Variants in NELL1 observed in about 807,000 individuals in gnomAD.
NELL1 encodes the protein neural EGFL like 1.
NELL1 carries 76 observed loss-of-function variants against 107.4 expected under a neutral mutation model. That is an observed-to-expected ratio of 0.71 (90% CI 0.59 to 0.86). The LOEUF (loss-of-function observed/expected upper bound fraction) is 0.86, where lower values mean the gene tolerates loss of function less well. NELL1 is among the 40% of genes least tolerant of loss of function. The pLI is 0.00. For synonymous variants in NELL1, 353 were observed against 341.2 expected (o/e 1.03, Z -0.38); for missense variants, 1,024 against 1,005.5 (o/e 1.02, Z -0.25).
intron 15 of NELL1, among the ~76,000 whole-genome samples, chr11:21,499,842 G>T (rs893781677): frequency 1.3e-5 from 2 of 152,186 alleles, no homozygotes; most frequent in African/African-American, 4.8e-5. Context: ...TTAGCCCAGG[G>T]CTGTCTAACA....
At chr11:21,003,958 A>G (rs1852277370) in intron 12 of NELL1, among the ~76,000 whole-genome samples, 1 of 152,134 alleles carries the variant, frequency 6.6e-6, no homozygotes, top group South Asian at 2.1e-4. Context: ...TGAATGTGAG[A>G]AAAATAGAGG....
At chr11:21,398,113 T>A (rs867512189) in intron 15 of NELL1, among the ~76,000 whole-genome samples, 4 of 151,698 alleles carry the variant, frequency 2.6e-5, no homozygotes, top group Non-Finnish European at 5.9e-5. Context: ...TTTTTTAACT[T>A]TGTTAATGAA....
chr11:20,991,251 T>C (rs2134258166), intron 12 of NELL1, among the ~76,000 whole-genome samples: 1 of 152,298 alleles, frequency 6.6e-6, no homozygotes, highest in African/African-American at 2.4e-5. Flanking sequence ...AGATTTTTGT[T>C]GTAATGCATT....
At chr11:21,404,854 G>A (rs899771492) in intron 15 of NELL1, among the ~76,000 whole-genome samples, 1 of 152,000 alleles carries the variant, frequency 6.6e-6, no homozygotes, top group African/African-American at 2.4e-5. Context: ...GCTTTCCTCA[G>A]TGGTCCCAAG....
At chr11:21,304,704 AT>A (rs1354395604) in intron 14 of NELL1, among the ~76,000 whole-genome samples, 1 of 151,384 alleles carries the variant, frequency 6.6e-6, no homozygotes, top group Admixed American at 6.6e-5. Flanking sequence ...GCCCTGTTGT[AT>A]TTTTTTAAAG....
chr11:20,922,271 C>T (rs1199314729), intron 7 of NELL1, among the ~76,000 whole-genome samples: 2 of 152,114 alleles, frequency 1.3e-5, no homozygotes, highest in Non-Finnish European at 2.9e-5. Context: ...CTTTGGTGCT[C>T]ACTTATTTCC....
At chr11:21,124,792 G>A (rs1590659469) in intron 13 of NELL1, among the ~76,000 whole-genome samples, 1 of 151,952 alleles carries the variant, frequency 6.6e-6, no homozygotes, top group Non-Finnish European at 1.5e-5. Context: ...GTACAGACAG[G>A]GTTTCTCCAT....
At chr11:21,205,911 A>G (rs762640866) in intron 13 of NELL1, among the ~76,000 whole-genome samples, 21 of 152,014 alleles carry the variant, frequency 1.4e-4, no homozygotes, top group Non-Finnish European at 2.2e-4. Context: ...TAGTTAAATA[A>G]TTTCATTATG....
intron 12 of NELL1, among the ~76,000 whole-genome samples, chr11:21,053,063 G>T (rs923503761): frequency 2.6e-5 from 4 of 152,216 alleles, no homozygotes; most frequent in Non-Finnish European, 5.9e-5. Context: ...TTGCAGGAGG[G>T]CTCCCGTCCC....
intron 14 of NELL1, among the ~76,000 whole-genome samples, chr11:21,313,953 G>A (rs560662802): frequency 1.4e-4 from 21 of 147,290 alleles, no homozygotes; most frequent in African/African-American, 5.0e-4. Flanking sequence ...AAGTTCTTGC[G>A]AGATCTGGTT....
chr11:20,950,955 G>T (rs574727740), intron 11 of NELL1, among the ~76,000 whole-genome samples: 1 of 152,132 alleles, frequency 6.6e-6, no homozygotes, highest in African/African-American at 2.4e-5. Flanking sequence ...GTGACCATCC[G>T]GTCATTAGTC....
intron 16 of NELL1, among the ~76,000 whole-genome samples, chr11:21,552,496 C>T (rs1856615835): frequency 6.9e-6 from 1 of 145,074 alleles, no homozygotes; most frequent in Non-Finnish European, 1.5e-5. Flanking sequence ...GGGTAAGAAA[C>T]ACAGAAAAAA....
chr11:20,862,653 G>T (rs944458174), intron 4 of NELL1, among the ~76,000 whole-genome samples: 2 of 115,200 alleles, frequency 1.7e-5, no homozygotes, highest in Non-Finnish European at 3.3e-5. Context: ...GGTGTTTCTC[G>T]CAGAGGATTT....
intron 12 of NELL1, among the ~76,000 whole-genome samples, chr11:21,102,465 A>G (rs1042792516): frequency 6.6e-6 from 1 of 152,110 alleles, no homozygotes; most frequent in Non-Finnish European, 1.5e-5. Context: ...TCTGCCCCTT[A>G]CCTGCTGTAT....
At chr11:21,425,575 A>G (rs927053364) in intron 15 of NELL1, among the ~76,000 whole-genome samples, 12 of 152,186 alleles carry the variant, frequency 7.9e-5, no homozygotes, top group African/African-American at 2.4e-4. Context: ...TAGAAAGGGT[A>G]GTGAACCAAG....
At chr11:21,104,385 A>T (rs1402062888) in intron 12 of NELL1, among the ~76,000 whole-genome samples, 1 of 152,226 alleles carries the variant, frequency 6.6e-6, no homozygotes, top group East Asian at 1.9e-4. Context: ...AGAAATTCGT[A>T]TGCTGTGATT....
intron 13 of NELL1, among the ~76,000 whole-genome samples, chr11:21,129,970 A>G (rs1009255140): frequency 6.6e-6 from 1 of 152,196 alleles, no homozygotes; most frequent in Non-Finnish European, 1.5e-5. Context: ...AAAAAATGCC[A>G]CCAGGGGAAA....
intron 2 of NELL1, among the ~76,000 whole-genome samples, chr11:20,755,985 C>T (rs1232281172): frequency 4.1e-5 from 6 of 146,166 alleles, no homozygotes; most frequent in African/African-American, 1.5e-4. Context: ...CTCTGCCTGC[C>T]GGGTTCATGC....
At chr11:21,493,908 C>T (rs1460954199) in intron 15 of NELL1, among the ~76,000 whole-genome samples, 1 of 151,778 alleles carries the variant, frequency 6.6e-6, no homozygotes, top group African/African-American at 2.4e-5. Flanking sequence ...ATTGATATGC[C>T]GTGGTGTGGA....
Sources: gnomAD v4.1 joint callset for allele counts (sites outside exome capture counted in the v4.1 genomes callset) on GRCh38, gnomAD v4.1.1 for gene constraint, MANE v1.5 for transcripts, NCBI Gene and HGNC (gene_info 2026-07-23, HGNC 2026-07-21) for gene names.